The following CHN2 variants were observed in gnomAD, a reference collection of about 807,000 sequenced individuals.
The protein encoded by CHN2 is beta-chimaerin.
CHN2 carries 35 observed loss-of-function variants against 56.3 expected under a neutral mutation model. The ratio of observed to expected loss-of-function variants is 0.62; its 90% CI spans 0.47 to 0.82. The LOEUF (loss-of-function observed/expected upper bound fraction) is 0.82. Among genes scored for constraint, CHN2 ranks in the 40% least tolerant of loss-of-function variants. The probability of loss-of-function intolerance (pLI) is 0.00; values close to 1 mark genes in which losing one functional copy is unlikely to be tolerated. For missense variants in CHN2, 491 were observed against 580.5 expected, an observed-to-expected ratio of 0.85 and a Z score of 1.58; for synonymous variants, 210 against 212.8, an observed-to-expected ratio of 0.99 and a Z score of 0.12.
intron 1 of CHN2, among the ~76,000 whole-genome samples, chr7:29,252,190 T>G (rs1399761289): frequency 6.8e-6 from 1 of 147,158 alleles, no homozygotes; most frequent in Non-Finnish European, 1.5e-5. Flanking sequence ...ATACAGGATT[T>G]TTTTTTTTTT....
chr7:29,237,140 T>C (rs148302393), intron 1 of CHN2, among the ~76,000 whole-genome samples: 148 of 152,346 alleles, frequency 9.7e-4, no homozygotes, highest in African/African-American at 3.4e-3. Flanking sequence ...CACCTAGTTT[T>C]TGGAGCTACA....
At chr7:29,496,604 A>G (rs1374538448) in intron 8 of CHN2, among the ~76,000 whole-genome samples, 1 of 152,182 alleles carries the variant, frequency 6.6e-6, no homozygotes, top group Non-Finnish European at 1.5e-5. Context: ...GCCAGATTCC[A>G]GAGTTCATGC....
At chr7:29,257,893 T>C (rs1161525533) in intron 1 of CHN2, among the ~76,000 whole-genome samples, 3 of 152,060 alleles carry the variant, frequency 2.0e-5, no homozygotes, top group East Asian at 3.9e-4. Context: ...GCCCCAGTGA[T>C]CCTCCCACCT....
intron 6 of CHN2, among the ~76,000 whole-genome samples, chr7:29,440,684 CAAAAAAAA>C (rs556692737): frequency 2.1e-3 from 96 of 45,646 alleles, no homozygotes; most frequent in African/African-American, 4.2e-3. Flanking sequence ...GACTCCGTCT[CAAAAAAAA>C]AAAAAAAAAA....
intron 1 of CHN2, among the ~76,000 whole-genome samples, chr7:29,326,378 G>T (rs1795803160): frequency 6.6e-6 from 1 of 152,154 alleles, no homozygotes; most frequent in Non-Finnish European, 1.5e-5. Context: ...GGCTGGTCTT[G>T]ATCTCCTGAC....
At chr7:29,495,920 T>A (rs755572802) in intron 7 of CHN2, 32 bp from the exon 8 acceptor site, 7 of 1,595,886 alleles carry the variant, frequency 4.4e-6, no homozygotes, top group Non-Finnish European at 6.0e-6. Flanking sequence ...GACTCTGAGC[T>A]TTCTGACATT....
intron 1 of CHN2, among the ~76,000 whole-genome samples, chr7:29,266,504 T>C (rs1375059707): frequency 6.6e-6 from 1 of 152,168 alleles, no homozygotes; most frequent in East Asian, 1.9e-4. Flanking sequence ...CAAGATGGTG[T>C]GAGGAAATTC....
At chr7:29,213,462 C>T (rs1266917789) in intron 1 of CHN2, among the ~76,000 whole-genome samples, 2 of 152,092 alleles carry the variant, frequency 1.3e-5, no homozygotes, top group Non-Finnish European at 2.9e-5. Context: ...CTACTAAGGA[C>T]AACATGATAG....
rs564066434 is a variant in CHN2 at position 29,486,717 on chromosome 7, G to A, written c.654+6361G>A. On this transcript the variant is annotated intron_variant, in intron 7 of 12. Transcript: ENST00000222792. ...CCGTTCCCATGGCACACCCCATCGC[G>A]TGTGCTCTTGTAGCATGCTCCTTCT... 5.3e-5 allele frequency among the ~76,000 whole-genome samples: 8 copies of A among 152,204 alleles called. No individual in the cohort carries two copies. The East Asian group carries it at 7.7e-4, about 15-fold the overall frequency.
intron 1 of CHN2, among the ~76,000 whole-genome samples, chr7:29,350,416 A>T (rs1489529431): frequency 1.3e-5 from 2 of 152,192 alleles, no homozygotes; most frequent in Non-Finnish European, 2.9e-5. Flanking sequence ...TAGTTTCAAC[A>T]TATTAAAAAT....
intron 10 of CHN2, among the ~76,000 whole-genome samples, chr7:29,505,322 C>T (rs1339364413): frequency 6.6e-6 from 1 of 152,196 alleles, no homozygotes; most frequent in Non-Finnish European, 1.5e-5. Context: ...ATTCAGAAAG[C>T]TGGATAAGCC....
intron 2 of CHN2, among the ~76,000 whole-genome samples, chr7:29,362,202 G>A (rs1413931653): frequency 1.3e-5 from 2 of 152,160 alleles, no homozygotes; most frequent in Non-Finnish European, 2.9e-5. Flanking sequence ...GGCAACCACT[G>A]GCTGAGGCTG....
At chr7:29,272,343 C>A (rs140559502) in intron 1 of CHN2, among the ~76,000 whole-genome samples, 128 of 152,246 alleles carry the variant, frequency 8.4e-4, no homozygotes, top group Middle Eastern at 3.4e-3. Flanking sequence ...GACTATGCCT[C>A]GTTGAGAGCT....
intron 6 of CHN2, among the ~76,000 whole-genome samples, chr7:29,450,060 T>G (rs1200551351): frequency 6.6e-6 from 1 of 152,172 alleles, no homozygotes; most frequent in Non-Finnish European, 1.5e-5. Context: ...ATTCAGGGTG[T>G]GTATTTCACA....
At chr7:29,496,894 C>G (rs1177462358) in intron 8 of CHN2, among the ~76,000 whole-genome samples, 1 of 152,174 alleles carries the variant, frequency 6.6e-6, no homozygotes, top group East Asian at 1.9e-4. Context: ...GATCAGGTTT[C>G]TACCAACACC....
In CHN2 at chr7:29,351,543, A is replaced by G. The variant is rs549830381; in HGVS notation, c.50-3082A>G. 4.6e-5 allele frequency among the ~76,000 whole-genome samples: 7 copies of G among 152,292 alleles called. No homozygotes were observed. The East Asian group carries it at 1.4e-3, about 29-fold the overall frequency. On this transcript the variant is annotated intron_variant, in intron 1 of 12. Coordinates refer to ENST00000222792, the MANE Select transcript of CHN2 (RefSeq NM_004067.4). ...GAGTGACTGGCATAGGGGGAAGGCC[A>G]CTTTACAGGAACCTGGCAGGTAGAG...
At chr7:29,215,011 G>A (rs988659285) in intron 1 of CHN2, among the ~76,000 whole-genome samples, 1 of 152,148 alleles carries the variant, frequency 6.6e-6, no homozygotes, top group African/African-American at 2.4e-5. Flanking sequence ...GCTACTAGCA[G>A]AGACACTGCC....
At chr7:29,163,907 T>C (rs769845123) in intron 2 of CHN2, among the ~76,000 whole-genome samples, 1 of 152,254 alleles carries the variant, frequency 6.6e-6, no homozygotes, top group Non-Finnish European at 1.5e-5. Context: ...AATATATTTG[T>C]CCATTTACTT....
At chr7:29,167,821 G>A (rs1220514170) in intron 2 of CHN2, among the ~76,000 whole-genome samples, 1 of 152,236 alleles carries the variant, frequency 6.6e-6, no homozygotes, top group African/African-American at 2.4e-5. Flanking sequence ...CTTGTTATGA[G>A]TGAGTTTGAC....
Sources: allele counts gnomAD v4.1 joint callset (sites outside exome capture counted in the v4.1 genomes callset), GRCh38; gene constraint gnomAD v4.1.1; transcripts MANE v1.5; gene names NCBI Gene and HGNC (gene_info 2026-07-23, HGNC 2026-07-21).